The following HS6ST1 variants were observed in gnomAD, a reference collection of about 807,000 sequenced individuals.
HS6ST1 encodes the protein heparan sulfate 6-O-sulfotransferase 1.
HS6ST1 carries 3 observed loss-of-function variants against 25.2 expected under a neutral mutation model. The observed-to-expected ratio is 0.12, with a 90% CI of 0.05 to 0.31. HS6ST1 has a LOEUF of 0.31. Ranked by LOEUF, HS6ST1 falls within the 10% of genes least tolerant of loss-of-function variation. The pLI, the probability that HS6ST1 is intolerant of heterozygous loss-of-function variation, is 1.00. For synonymous variants in HS6ST1, 204 were observed against 275.1 expected (o/e 0.74, Z 2.56); for missense variants, 310 against 609.6 (o/e 0.51, Z 5.18).
At chr2:128,270,357 A>G (rs1176241652) in intron 1 of HS6ST1, among the ~76,000 whole-genome samples, 2 of 152,288 alleles carry the variant, frequency 1.3e-5, no homozygotes, top group South Asian at 4.1e-4. Flanking sequence ...AGCAGGCCTC[A>G]GTTTCCCTGC....
At chr2:128,279,330 CTTTT>C (rs61670210) in intron 1 of HS6ST1, among the ~76,000 whole-genome samples, 3 of 124,746 alleles carry the variant, frequency 2.4e-5, no homozygotes, top group African/African-American at 6.3e-5. Flanking sequence ...ATGACAGAAC[CTTTT>C]TTTTTTTTTT....
At chr2:128,288,136 C>T (rs1693893471) in intron 1 of HS6ST1, among the ~76,000 whole-genome samples, 1 of 152,196 alleles carries the variant, frequency 6.6e-6, no homozygotes, top group African/African-American at 2.4e-5. Context: ...CTTGTCCTGG[C>T]CAAGAGCTCT....
intron 1 of HS6ST1, among the ~76,000 whole-genome samples, chr2:128,307,564 C>T (rs1272994951): frequency 1.3e-5 from 2 of 152,198 alleles, no homozygotes; most frequent in East Asian, 1.9e-4. Context: ...ATAAAGAACG[C>T]TTACGAACCA....
intron 1 of HS6ST1, among the ~76,000 whole-genome samples, chr2:128,304,281 C>G (rs115026809): frequency 6.6e-6 from 1 of 152,192 alleles, no homozygotes; most frequent in African/African-American, 2.4e-5. Flanking sequence ...CCGACCCCTA[C>G]GCTGGGGGAT....
chr2:128,306,259 G>C (rs1192409449), intron 1 of HS6ST1, among the ~76,000 whole-genome samples: 1 of 152,170 alleles, frequency 6.6e-6, no homozygotes, highest in Middle Eastern at 3.2e-3. Context: ...TGCCTTCCCT[G>C]GCTTTCCCTC....
At position 128,267,858 on chromosome 2, in the gene HS6ST1, C is replaced by T. The variant is rs185303149; in HGVS notation, c.*304G>A. The T allele has an allele frequency of 7.4e-5, 39 of 526,486 alleles. 1 individual carries two copies. Among genetic ancestry groups the T allele is most frequent in the East Asian group, 6.0e-4 (19 of 31,854 alleles). 32.6% of individuals were successfully genotyped at this position (526,486 alleles called of 1,614,324 possible). A position where few individuals can be genotyped will look rare whatever the true frequency, so the allele number is the denominator to read the frequency against. On this transcript the variant is annotated 3_prime_UTR_variant, in exon 2 of 2. Transcript: ENST00000259241. ...CTCTTGCGCAAACCTTCAGTTTTTG[C>T]GATAAATCCAAGGAGGCCAGGAGAG...
At chr2:128,311,048 A>T (rs1245564666) in intron 1 of HS6ST1, among the ~76,000 whole-genome samples, 2 of 151,118 alleles carry the variant, frequency 1.3e-5, no homozygotes, top group East Asian at 3.9e-4. Flanking sequence ...AGGCTTTTCC[A>T]CTCCCTCAGG....
intron 1 of HS6ST1, among the ~76,000 whole-genome samples, chr2:128,287,957 A>AT (rs747847640): frequency 6.6e-6 from 1 of 152,250 alleles, no homozygotes; most frequent in South Asian, 2.1e-4. Context: ...GGCTTCTGAC[A>AT]CCGGCAGGCG....
At chr2:128,278,786 G>T (rs1256028124) in intron 1 of HS6ST1, among the ~76,000 whole-genome samples, 1 of 152,204 alleles carries the variant, frequency 6.6e-6, no homozygotes, top group Non-Finnish European at 1.5e-5. Flanking sequence ...ACCCAGGACA[G>T]AAATGGACTA....
chr2:128,299,007 T>C (rs1010587487), intron 1 of HS6ST1, among the ~76,000 whole-genome samples: 3 of 151,886 alleles, frequency 2.0e-5, no homozygotes, highest in Non-Finnish European at 4.4e-5. Context: ...CTGTGTGGGG[T>C]ACTCCTCGGC....
chr2:128,275,172 A>T (rs1193459938), intron 1 of HS6ST1, among the ~76,000 whole-genome samples: 4 of 152,196 alleles, frequency 2.6e-5, no homozygotes, highest in African/African-American at 7.2e-5. Context: ...ACAAAAAGTT[A>T]CATAGAAAAG....
At chr2:128,313,279 A>G (rs1299834832) in intron 1 of HS6ST1, among the ~76,000 whole-genome samples, 1 of 152,190 alleles carries the variant, frequency 6.6e-6, no homozygotes, top group Non-Finnish European at 1.5e-5. Context: ...ATTTACACAC[A>G]AGGAGCAGTC....
At chr2:128,289,651 C>T (rs1249380315) in intron 1 of HS6ST1, 1 of 152,198 alleles carries the variant, frequency 6.6e-6, no homozygotes, top group Non-Finnish European at 1.5e-5. Flanking sequence ...GACGAGTTCC[C>T]CAAGGAATGC....
chr2:128,304,384 A>C (rs1274923921), intron 1 of HS6ST1, among the ~76,000 whole-genome samples: 1 of 152,202 alleles, frequency 6.6e-6, no homozygotes, highest in Non-Finnish European at 1.5e-5. Flanking sequence ...GAGATGGTGC[A>C]TGGTACAGGC....
intron 1 of HS6ST1, among the ~76,000 whole-genome samples, chr2:128,271,170 G>A (rs1693603603): frequency 6.6e-6 from 1 of 152,242 alleles, no homozygotes; most frequent in African/African-American, 2.4e-5. Context: ...AAGCTGCCCT[G>A]TGCCTGGTTA....
intron 1 of HS6ST1, among the ~76,000 whole-genome samples, chr2:128,315,451 G>A (rs887950727): frequency 3.3e-5 from 5 of 152,196 alleles, no homozygotes; most frequent in African/African-American, 1.2e-4. Context: ...GGTTCCAGGA[G>A]CCAGCCTTGG....
intron 1 of HS6ST1, among the ~76,000 whole-genome samples, chr2:128,274,083 G>A (rs1429529469): frequency 6.6e-6 from 1 of 152,176 alleles, no homozygotes; most frequent in Non-Finnish European, 1.5e-5. Flanking sequence ...CACAAAGCAG[G>A]GGCTTTGTGC....
intron 1 of HS6ST1, among the ~76,000 whole-genome samples, chr2:128,275,558 T>C (rs553987297): frequency 3.9e-5 from 6 of 152,126 alleles, no homozygotes; most frequent in Non-Finnish European, 7.3e-5. Flanking sequence ...TGAATTACTT[T>C]AAAAAAATTA....
chr2:128,276,300 A>T (rs1433066149), intron 1 of HS6ST1, among the ~76,000 whole-genome samples: 1 of 151,810 alleles, frequency 6.6e-6, no homozygotes, highest in Non-Finnish European at 1.5e-5. Context: ...CGTCCGGCTA[A>T]TTTTTTCGTA....
Sources: gnomAD v4.1 joint callset for allele counts (sites outside exome capture counted in the v4.1 genomes callset) on GRCh38, gnomAD v4.1.1 for gene constraint, MANE v1.5 for transcripts, NCBI Gene and HGNC (gene_info 2026-07-23, HGNC 2026-07-21) for gene names.